Variants in EPB41L4A observed in about 807,000 individuals in gnomAD.
EPB41L4A encodes band 4.1-like protein 4A.
Under a neutral mutation model 108.6 loss-of-function variants are expected in EPB41L4A, and 100 were observed. That is an observed-to-expected ratio of 0.92 (90% CI 0.78 to 1.09). The LOEUF is 1.09. Ranked by LOEUF, EPB41L4A falls within the 50% of genes least tolerant of loss-of-function variation. EPB41L4A has a pLI of 0.00. For missense variants in EPB41L4A, 1,030 were observed against 842.7 expected (o/e 1.22, Z -2.75); for synonymous variants, 319 against 289.0 (o/e 1.10, Z -1.05).
At position 112,218,151 on chromosome 5, in the gene EPB41L4A, A is replaced by G. The variant is rs778556223; in HGVS notation, c.1088-8169T>C. On this transcript the variant is annotated intron_variant, in intron 12 of 22. Transcript: ENST00000261486. Reference sequence around the variant, plus strand: ...TTCAAAAACAAGAAAGGGATTTGTGAGGCTAGGAAGGCATCTGCTCATTCC... The same window carrying G: ...TTCAAAAACAAGAAAGGGATTTGTGGGGCTAGGAAGGCATCTGCTCATTCC... 6.2e-4 allele frequency among the ~76,000 whole-genome samples: 95 copies of G among 152,186 alleles called. 1 individual carries two copies. Among genetic ancestry groups the G allele is most frequent in the Non-Finnish European group, 1.6e-4 (11 of 68,036 alleles).
chr5:112,321,689 T>A (rs1755791979), intron 1 of EPB41L4A, among the ~76,000 whole-genome samples: 1 of 152,194 alleles, frequency 6.6e-6, no homozygotes, highest in Non-Finnish European at 1.5e-5. Context: ...GAGAATACTT[T>A]TTTCCCAAAT....
At chr5:112,327,550 T>C (rs1756254073) in intron 1 of EPB41L4A, among the ~76,000 whole-genome samples, 1 of 152,036 alleles carries the variant, frequency 6.6e-6, no homozygotes, top group Non-Finnish European at 1.5e-5. Context: ...ATCCCATCTC[T>C]ACAAAAAATT....
At chr5:112,387,233 C>T (rs1037866563) in intron 1 of EPB41L4A, among the ~76,000 whole-genome samples, 7 of 152,206 alleles carry the variant, frequency 4.6e-5, no homozygotes, top group African/African-American at 1.7e-4. Context: ...GTCTGAGAGA[C>T]CACGTCCAAT....
chr5:112,243,227 A>G (rs1057369938), intron 9 of EPB41L4A, among the ~76,000 whole-genome samples: 6 of 150,508 alleles, frequency 4.0e-5, no homozygotes, highest in Non-Finnish European at 7.4e-5. Flanking sequence ...AAATATATAT[A>G]TATATATCTA....
intron 12 of EPB41L4A, among the ~76,000 whole-genome samples, chr5:112,214,882 A>G (rs1048372773): frequency 2.6e-5 from 4 of 152,208 alleles, no homozygotes; most frequent in Non-Finnish European, 5.9e-5. Context: ...CTTTCTGCCT[A>G]AAATATCTGG....
intron 1 of EPB41L4A, among the ~76,000 whole-genome samples, chr5:112,313,672 C>T (rs915504636): frequency 1.3e-5 from 2 of 152,002 alleles, no homozygotes; most frequent in Admixed American, 1.3e-4. Context: ...GAAAAGGCAA[C>T]CAGGCAGAAA....
At chr5:112,219,616 GTTA>G (rs1471008990) in intron 12 of EPB41L4A, among the ~76,000 whole-genome samples, 1 of 152,100 alleles carries the variant, frequency 6.6e-6, no homozygotes, top group Non-Finnish European at 1.5e-5. Context: ...TCTGAACTAA[GTTA>G]TTATAATTAG....
chr5:112,375,323 G>GCACA (rs1554106194), intron 1 of EPB41L4A, among the ~76,000 whole-genome samples: 1 of 142,456 alleles, frequency 7.0e-6, no homozygotes. Context: ...TCTCTCTCTC[G>GCACA]CACACACACA....
chr5:112,261,411 A>T (rs753672129), intron 7 of EPB41L4A, among the ~76,000 whole-genome samples: 5 of 152,250 alleles, frequency 3.3e-5, no homozygotes, highest in Admixed American at 6.5e-5. Context: ...GATTAAAAAA[A>T]ATCAGTCTAT....
intron 1 of EPB41L4A, among the ~76,000 whole-genome samples, chr5:112,371,489 C>T (rs985983767): frequency 6.6e-6 from 1 of 152,130 alleles, no homozygotes; most frequent in African/African-American, 2.4e-5. Context: ...CCCTCCGTTC[C>T]TCAGAGGACT....
At chr5:112,385,619 G>A (rs550058437) in intron 1 of EPB41L4A, among the ~76,000 whole-genome samples, 45 of 151,480 alleles carry the variant, frequency 3.0e-4, no homozygotes, top group African/African-American at 9.9e-4. Flanking sequence ...TCTCCTTATT[G>A]AAATTAGAAG....
intron 15 of EPB41L4A, 60 bp downstream of exon 15, chr5:112,204,315 A>G: frequency 8.9e-7 from 1 of 1,123,364 alleles, no homozygotes; most frequent in Non-Finnish European, 1.4e-6. Context: ...TTATAAAGTC[A>G]GGCCTGGGAC....
chr5:112,339,002 G>A (rs2839826), intron 1 of EPB41L4A, among the ~76,000 whole-genome samples: 135,433 of 152,106 alleles, frequency 0.89, 60,373 homozygotes, highest in South Asian at 0.96. Flanking sequence ...GGCACTCAGA[G>A]AACATTTGTA....
rs374189390 is a variant in EPB41L4A at position 112,321,799 on chromosome 5, T to A, written c.100-14309A>T. Among the ~76,000 whole-genome samples, 26 of 152,342 alleles carry A rather than the reference T, an allele frequency of 1.7e-4. No individual in the cohort carries two copies. The South Asian group carries it at 2.3e-3, about 13-fold the overall frequency. On this transcript the variant is annotated intron_variant, in intron 1 of 22. Coordinates refer to ENST00000261486, the MANE Select transcript of EPB41L4A (RefSeq NM_022140.5). Reference sequence around the variant, plus strand: ...TTCCAATGCATAGGTGTATTTAACCTATACTAACTGAAGATGGTGCATACT... The same window carrying A: ...TTCCAATGCATAGGTGTATTTAACCAATACTAACTGAAGATGGTGCATACT...
chr5:112,292,765 T>C (rs1397292226), intron 2 of EPB41L4A, among the ~76,000 whole-genome samples: 2 of 152,184 alleles, frequency 1.3e-5, no homozygotes, highest in Admixed American at 6.5e-5. Context: ...TAAATCAAGG[T>C]TAATTTATCA....
At chr5:112,339,507 T>G (rs1161126005) in intron 1 of EPB41L4A, among the ~76,000 whole-genome samples, 1 of 44,208 alleles carries the variant, frequency 2.3e-5, no homozygotes, top group East Asian at 9.0e-4. Context: ...TATATATATA[T>G]ATAGATATAT....
chr5:112,245,549 T>TA (rs903419874), intron 9 of EPB41L4A, among the ~76,000 whole-genome samples: 31 of 152,236 alleles, frequency 2.0e-4, no homozygotes, highest in African/African-American at 7.0e-4. Context: ...CCTTGTCTGG[T>TA]AAAAAAAGAA....
rs1344892533 is a variant in EPB41L4A, at chr5:112,291,144, C to A, written c.205-10821G>T. Among the ~76,000 whole-genome samples, 6 of 152,182 alleles carry A rather than the reference C, an allele frequency of 3.9e-5. No individual in the cohort carries two copies. The East Asian group carries it at 5.8e-4, about 15-fold the overall frequency. On this transcript the variant is annotated intron_variant, in intron 2 of 22. Coordinates refer to ENST00000261486, the MANE Select transcript of EPB41L4A (RefSeq NM_022140.5). ...AAACTGAAAAACCAGCTCCCTATCA[C>A]TCCTCATCTTGACATTTCCAACAGA...
chr5:112,157,427 G>A lies in EPB41L4A; in HGVS notation n.994+974C>T, dbSNP rs568690555. On this transcript the variant is annotated intron_variant and non_coding_transcript_variant, in intron 12 of 13. Transcript: ENST00000507810. ...TCTCTACCCCTTATAGGTTATATTAGGTTTCTCTTGCTACCATAACAAATT... is the reference window on the plus strand; with the variant it reads ...TCTCTACCCCTTATAGGTTATATTAAGTTTCTCTTGCTACCATAACAAATT... Among the ~76,000 whole-genome samples, 15 of 152,282 alleles carry A rather than the reference G, an allele frequency of 9.9e-5. No individual in the cohort carries two copies. The South Asian group carries it at 3.1e-3, about 32-fold the overall frequency.
Sources: gnomAD v4.1 joint callset for allele counts (sites outside exome capture counted in the v4.1 genomes callset) on GRCh38, gnomAD v4.1.1 for gene constraint, MANE v1.5 for transcripts, NCBI Gene and HGNC (gene_info 2026-07-23, HGNC 2026-07-21) for gene names.